MYH3: variants seen among roughly 807,000 people sequenced by gnomAD.
MYH3 encodes the protein myosin heavy chain 3.
A neutral mutation model predicts 238.0 loss-of-function variants in MYH3; 130 were observed. The ratio of observed to expected loss-of-function variants is 0.55; its 90% CI spans 0.47 to 0.63. MYH3 has a LOEUF of 0.63. MYH3 is among the 30% of genes least tolerant of loss of function. The pLI, the probability that MYH3 is intolerant of heterozygous loss-of-function variation, is 0.00. For synonymous variants in MYH3, 880 were observed against 924.1 expected, an observed-to-expected ratio of 0.95 and a Z score of 0.86; for missense variants, 1,853 against 2,374.9, an observed-to-expected ratio of 0.78 and a Z score of 4.57.
upstream of MYH3, among the ~76,000 whole-genome samples, chr17:10,660,306 G>A (rs1013890193): frequency 1.8e-4 from 28 of 152,236 alleles, no homozygotes; most frequent in African/African-American, 6.8e-4. Context: ...TTTTCTTAAT[G>A]AGAACCCTGA....
At position 10,632,519 on chromosome 17, in the gene MYH3, G is replaced by A. The variant is rs1316332773; in HGVS notation, c.4913C>T (p.Ala1638Val). 24 of 1,613,932 alleles carry A rather than the reference G, an allele frequency of 1.5e-5. No homozygotes were observed. The highest frequency in any genetic ancestry group is 1.6e-4 in the Middle Eastern group (1 of 6,084). ...IQLSHANRQAAETLKHLRSVQ... is the reference protein window; with the variant it reads ...IQLSHANRQAVETLKHLRSVQ... Reference sequence around the variant, plus strand: ...ACTCCTGAGGTGTTTGAGGGTCTCCGCCGCCTGGCGGTTGGCGTGGCTCAG... The same window carrying A: ...ACTCCTGAGGTGTTTGAGGGTCTCCACCGCCTGGCGGTTGGCGTGGCTCAG... The change falls in exon 34 of 41, where the codon GCG (alanine) becomes GTG (valine). Residue 1638 changes from alanine (A) to valine (V), a missense_variant. Around this residue, in one of 3 missense-constraint regions of MYH3, gnomAD observed 1,044 missense variants for 1,192.6 expected, o/e 0.88. Transcript: ENST00000583535.
At chr17:10,648,769 G>A (rs1458590244) in intron 7 of MYH3, 120 bp from the exon 8 acceptor site, 4 of 812,484 alleles carry the variant, frequency 4.9e-6, no homozygotes, top group Non-Finnish European at 6.3e-6. Flanking sequence ...TCCACCTCCC[G>A]GGTTCATGTG....
rs145070735 is a variant in MYH3, at chr17:10,649,806, C to A, written c.534-121G>T. The stretch of plus-strand genomic sequence containing the variant: ...CCATCTCTGACACACACTCACCACA[C>A]TAATGTGACAGACCACTTGAGAAGG... On this transcript the variant is annotated intron_variant, in intron 6 of 40. Transcript: ENST00000583535. The A allele has an allele frequency of 2.6e-5, 23 of 889,178 alleles. No individual in the cohort carries two copies. The African/African-American group carries it at 3.3e-4, about 13-fold the overall frequency. 55.1% of individuals were successfully genotyped at this position (889,178 alleles called of 1,614,324 possible). A position where few individuals can be genotyped will look rare whatever the true frequency, so the allele number is the denominator to read the frequency against.
rs374056469 is a variant in MYH3, at chr17:10,632,535, C to T, written c.4897G>A (p.Ala1633Thr). Residue 1633 changes from alanine to threonine, a missense_variant, in exon 34 of 41, where the codon GCC becomes ACC. Coordinates refer to ENST00000583535, the MANE Select transcript of MYH3 (RefSeq NM_002470.4). ...LNEIEIQLSH[A>T]NRQAAETLKH... ...AGGGTCTCCGCCGCCTGGCGGTTGGCGTGGCTCAGCTGGATCTCGATTTCA... is the reference window on the plus strand; with the variant it reads ...AGGGTCTCCGCCGCCTGGCGGTTGGTGTGGCTCAGCTGGATCTCGATTTCA... 6.2e-6 allele frequency: 10 copies of T among 1,614,128 alleles called. No homozygotes were observed. Among genetic ancestry groups the T allele is most frequent in the African/African-American group, 1.3e-5 (1 of 75,044 alleles).
chr17:10,651,766 A>G, intron 4 of MYH3, 98 bp from the exon 5 acceptor site: 1 of 1,377,454 alleles, frequency 7.3e-7, no homozygotes, highest in Non-Finnish European at 9.8e-7. Context: ...TTTTTTTGAG[A>G]CGGAGTCTCA....
the MYH3 span, among the ~76,000 whole-genome samples, chr17:10,667,723 G>T: frequency 2.0e-5 from 3 of 150,132 alleles, no homozygotes; most frequent in Non-Finnish European, 4.4e-5. Flanking sequence ...TCTATGAGCT[G>T]AAATAGGTTA....
At chr17:10,637,758 C>T in intron 28 of MYH3, 51 bp downstream of exon 28, 1 of 1,612,678 alleles carries the variant, frequency 6.2e-7, no homozygotes. Context: ...CAGCTACGCC[C>T]ATTGGGTGCC....
chr17:10,639,066 GTTGC>G lies in MYH3; in HGVS notation c.3222_3225del (p.Lys1074AsnfsTer49). 6.2e-7 allele frequency: 1 copy of G among 1,614,240 alleles called. No homozygotes were observed. The highest frequency in any genetic ancestry group is 8.5e-7 in the Non-Finnish European group (1 of 1,180,040). ...TACTTCTTGAGCCTTTCGTCCAGCT[GTTGC>G]TTGTCATTCTCCAGATCTAATATGG... On this transcript the variant is annotated frameshift_variant, in exon 25 of 41. Transcript: ENST00000583535. LOFTEE classifies it high-confidence loss of function.
rs3830459 is a variant in MYH3, at chr17:10,630,016, AG to A, written c.5562+75del. On this transcript the variant is annotated intron_variant, in intron 38 of 40. Coordinates refer to ENST00000583535, the MANE Select transcript of MYH3 (RefSeq NM_002470.4). ...CGGCATGGGCAGCTTTCTGGGCCAA[AG>A]TGTTTCTTCCTGTGGTTTGATGGAG... The A allele has an allele frequency of 1.6e-5, 25 of 1,605,448 alleles. No individual in the cohort carries two copies. The East Asian group carries it at 5.6e-4, about 36-fold the overall frequency.
At chr17:10,647,081 C>T in intron 10 of MYH3, 101 bp downstream of exon 10, 2 of 892,922 alleles carry the variant, frequency 2.2e-6, no homozygotes, top group South Asian at 2.8e-5. Flanking sequence ...ATAAACTTTC[C>T]CTGTTGACTG....
At position 10,631,615 on chromosome 17, in the gene MYH3, G is replaced by A. The variant is rs201596402; in HGVS notation, c.5282C>T (p.Thr1761Met). The A allele has an allele frequency of 4.6e-5, 74 of 1,614,056 alleles. No homozygotes were observed. Among genetic ancestry groups the A allele is most frequent in the Non-Finnish European group, 5.5e-5 (65 of 1,180,042 alleles). The change falls in exon 36 of 41, where the codon ACG (threonine) becomes ATG (methionine). Residue 1761 changes from threonine (T) to methionine (M), a missense_variant. Thr to Met is a moderately conservative substitution (Grantham distance 81). Transcript: ENST00000583535. The part of the protein sequence containing the change: ...NAEEKAKKAI[T>M]DAAMMAEELK... ...AGCAGGAAGGAGACGCCTTACGTCC[G>A]TGATGGCCTTCTTGGCCTTCTCCTC...
chr17:10,674,605 A>G, the MYH3 span: 1 of 157,110 alleles, frequency 6.4e-6, no homozygotes, highest in Non-Finnish European at 1.4e-5. Flanking sequence ...AAACTTGTAG[A>G]TAATTCACCA....
chr17:10,647,488 T>A, intron 8 of MYH3, 62 bp from the exon 9 acceptor site: 1 of 1,560,310 alleles, frequency 6.4e-7, no homozygotes. Flanking sequence ...TTCCTATTCA[T>A]CTTATGGGTA....
At position 10,637,799 on chromosome 17, in the gene MYH3, C is replaced by A. The variant is rs775420175; in HGVS notation, c.3856+10G>T. On this transcript the variant is annotated intron_variant, in intron 28 of 40. Transcript: ENST00000583535. ...GTTTTGGCCCCACGGGTTTTCTGCA[C>A]GTGGCTTACCAGCCTCGGTCTGCAA... The A allele has an allele frequency of 1.4e-5, 22 of 1,613,808 alleles. No homozygotes were observed. The Admixed American group carries it at 2.2e-4, about 16-fold the overall frequency.
the MYH3 span, chr17:10,677,508 T>C: frequency 6.6e-6 from 1 of 152,256 alleles, no homozygotes. Flanking sequence ...TGTCAATTTC[T>C]TTTAAACATA....
At position 10,631,917 on chromosome 17, in the gene MYH3, C is replaced by T. The variant is rs1597481470; in HGVS notation, c.5056G>A (p.Val1686Met). ...TCCAGAGTAGCCCGCAGCTCCTCCACCTCGGCCTGCAGCAGGTTGGCTCTG... is the reference window on the plus strand; with the variant it reads ...TCCAGAGTAGCCCGCAGCTCCTCCATCTCGGCCTGCAGCAGGTTGGCTCTG... ...ERRANLLQAE[V>M]EELRATLEQT... is the part of the protein sequence containing the mutation. Residue 1686 changes from valine (V) to methionine (M), a missense_variant, in exon 35 of 41, where the codon GTG becomes ATG. Val to Met is a conservative substitution (Grantham distance 21). Coordinates refer to ENST00000583535, the MANE Select transcript of MYH3 (RefSeq NM_002470.4). 1 of 1,614,176 alleles carries T rather than the reference C, an allele frequency of 6.2e-7. No individual in the cohort carries two copies. The highest frequency in any genetic ancestry group is 2.2e-5 in the East Asian group (1 of 44,864).
At chr17:10,664,120 T>C in the MYH3 span, among the ~76,000 whole-genome samples, 3 of 124,214 alleles carry the variant, frequency 2.4e-5, no homozygotes, top group African/African-American at 9.1e-5. Context: ...ACCTTGCAAA[T>C]ACAATAAAAA....
At chr17:10,675,475 T>C in the MYH3 span, 70,169 of 152,002 alleles carry the variant, frequency 0.46, 16,445 homozygotes, top group East Asian at 0.54. Flanking sequence ...TTTGGAGTTA[T>C]AGGGTGCAAA....
At chr17:10,651,472 G>T (rs767862578) in intron 5 of MYH3, 40 bp downstream of exon 5, 2 of 1,612,108 alleles carry the variant, frequency 1.2e-6, no homozygotes, top group Non-Finnish European at 1.7e-6. Flanking sequence ...CTCATGCAGT[G>T]CCTGCTCCAG....
Sources: gnomAD v4.1 joint callset for allele counts (sites outside exome capture counted in the v4.1 genomes callset) on GRCh38, gnomAD v4.1.1 for gene constraint, gnomAD v4.1.1 regional missense constraint, MANE v1.5 for transcripts, NCBI Gene and HGNC (gene_info 2026-07-23, HGNC 2026-07-21) for gene names.